The following MDGA2 variants were observed in gnomAD, a reference collection of about 807,000 sequenced individuals.
MDGA2 encodes the protein MAM domain containing glycosylphosphatidylinositol anchor 2, also known as MAM domain-containing glycosylphosphatidylinositol anchor protein 2.
MDGA2 carries 40 observed loss-of-function variants against 117.8 expected under a neutral mutation model. The ratio of observed to expected loss-of-function variants is 0.34; its 90% confidence interval spans 0.26 to 0.44. The LOEUF (loss-of-function observed/expected upper bound fraction) is 0.44, where lower values mean the gene tolerates loss of function less well. MDGA2 is among the 20% of genes least tolerant of loss of function. The pLI, the probability that MDGA2 is intolerant of heterozygous loss-of-function variation, is 1.00. For missense variants in MDGA2, 1,123 were observed against 1,250.6 expected (o/e 0.90, Z 1.54); for synonymous variants, 452 against 439.0 (o/e 1.03, Z -0.37).
chr14:47,056,997 C>A (rs1479092516), intron 7 of MDGA2, among the ~76,000 whole-genome samples: 2 of 151,934 alleles, frequency 1.3e-5, no homozygotes, highest in Non-Finnish European at 2.9e-5. Context: ...AACTTACCTG[C>A]AGTCTAGCCA....
At chr14:47,068,999 A>C (rs1378166965) in intron 6 of MDGA2, among the ~76,000 whole-genome samples, 2 of 152,134 alleles carry the variant, frequency 1.3e-5, no homozygotes, top group African/African-American at 2.4e-5. Context: ...ACTTCTTTTG[A>C]AATATCAGTA....
chr14:47,157,029 T>C (rs183270218), intron 3 of MDGA2, among the ~76,000 whole-genome samples: 73 of 152,320 alleles, frequency 4.8e-4, no homozygotes, highest in Non-Finnish European at 8.8e-4. Flanking sequence ...AATTAAATCA[T>C]TGTTAGACAT....
intron 5 of MDGA2, among the ~76,000 whole-genome samples, chr14:47,118,280 TA>T (rs1444355097): frequency 6.6e-6 from 1 of 152,164 alleles, no homozygotes; most frequent in Non-Finnish European, 1.5e-5. Context: ...ATAAAGGAGG[TA>T]TTTATTTTTT....
rs115922450 is a variant in MDGA2, at chr14:47,122,391, T to C, written c.925+9323A>G. ...GTAGGCTGGATAGTGGATTTTTTCA[T>C]TGAGTGACCAATTGTTTTGTTTTGG... is the stretch of plus-strand genomic sequence containing the variant. On this transcript the variant is annotated intron_variant, in intron 5 of 16. Coordinates refer to ENST00000399232, the MANE Select transcript of MDGA2 (RefSeq NM_001113498.3). 5.6e-3 allele frequency among the ~76,000 whole-genome samples: 850 copies of C among 152,154 alleles called. 14 individuals carry two copies. The highest frequency in any genetic ancestry group is 0.019 in the African/African-American group (795 of 41,544).
At chr14:47,533,309 ATG>A (rs1372909328) in intron 1 of MDGA2, among the ~76,000 whole-genome samples, 1 of 152,198 alleles carries the variant, frequency 6.6e-6, no homozygotes, top group Non-Finnish European at 1.5e-5. Flanking sequence ...AGCACAGATC[ATG>A]TTGCATACAT....
chr14:47,071,552 T>G (rs1195640605), intron 6 of MDGA2, among the ~76,000 whole-genome samples: 2 of 151,162 alleles, frequency 1.3e-5, no homozygotes, highest in South Asian at 2.1e-4. Flanking sequence ...GTCTGTGGGT[T>G]TTTTTTTTCT....
chr14:47,216,816 AT>A (rs1239151213), intron 3 of MDGA2, among the ~76,000 whole-genome samples: 1 of 152,120 alleles, frequency 6.6e-6, no homozygotes, highest in Non-Finnish European at 1.5e-5. Flanking sequence ...CAGGGGCTAT[AT>A]TATTTTGGGA....
chr14:47,308,517 T>C (rs1889532680), intron 1 of MDGA2, among the ~76,000 whole-genome samples: 1 of 146,298 alleles, frequency 6.8e-6, no homozygotes, highest in South Asian at 2.1e-4. Context: ...TTTTTTTTTT[T>C]TTTTTACAAA....
chr14:47,153,629 T>C (rs542896253), intron 3 of MDGA2, among the ~76,000 whole-genome samples: 3 of 146,446 alleles, frequency 2.0e-5, no homozygotes, highest in South Asian at 2.1e-4. Flanking sequence ...TCAAGGAATA[T>C]GCAGAATGGA....
chr14:47,449,853 A>G (rs1474238531), intron 1 of MDGA2, among the ~76,000 whole-genome samples: 20 of 152,140 alleles, frequency 1.3e-4, no homozygotes, highest in Admixed American at 1.2e-3. Flanking sequence ...CTCGTCATTT[A>G]AAAAGAGTTG....
chr14:46,922,884 C>G (rs1460164589), intron 9 of MDGA2, among the ~76,000 whole-genome samples: 1 of 152,100 alleles, frequency 6.6e-6, no homozygotes, highest in African/African-American at 2.4e-5. Flanking sequence ...GCGGATGGAG[C>G]GAAGTAGGAT....
intron 14 of MDGA2, chr14:46,871,853 T>C (rs1470330086): frequency 5.5e-6 from 2 of 365,178 alleles, no homozygotes; most frequent in Non-Finnish European, 1.1e-5. Context: ...GTTTAACTTC[T>C]CAAAAGCTTT....
intron 1 of MDGA2, chr14:47,342,792 C>T (rs1890668958): frequency 3.0e-6 from 1 of 328,376 alleles, no homozygotes; most frequent in African/African-American, 2.2e-5. Context: ...AGATAAAACA[C>T]TTACAAAAGT....
intron 5 of MDGA2, among the ~76,000 whole-genome samples, chr14:47,101,827 T>C (rs1880341454): frequency 6.6e-6 from 1 of 152,122 alleles, no homozygotes; most frequent in Non-Finnish European, 1.5e-5. Flanking sequence ...GAAAAAATAA[T>C]ACTGAATTAT....
At chr14:47,269,269 G>A (rs544924193) in intron 2 of MDGA2, among the ~76,000 whole-genome samples, 52 of 152,104 alleles carry the variant, frequency 3.4e-4, no homozygotes, top group Non-Finnish European at 2.2e-4. Context: ...TAGGCCCTTT[G>A]AAACGATCCA....
intron 14 of MDGA2, among the ~76,000 whole-genome samples, chr14:46,865,640 C>T (rs1199610299): frequency 6.6e-6 from 1 of 151,940 alleles, no homozygotes; most frequent in African/African-American, 2.4e-5. Flanking sequence ...ATCTAGAAAA[C>T]CCCATTGTCT....
At chr14:47,657,518 C>G (rs1336405408) in intron 1 of MDGA2, among the ~76,000 whole-genome samples, 1 of 152,160 alleles carries the variant, frequency 6.6e-6, no homozygotes, top group Non-Finnish European at 1.5e-5. Context: ...GTACCCCATT[C>G]CTCAAGGAAA....
chr14:47,457,812 GTTT>G (rs34337535), intron 1 of MDGA2, among the ~76,000 whole-genome samples: 19 of 143,676 alleles, frequency 1.3e-4, no homozygotes, highest in Non-Finnish European at 2.6e-4. Context: ...ATTTTTTTCT[GTTT>G]TTTTTTTTTG....
At chr14:47,631,633 C>T (rs1485522544) in intron 1 of MDGA2, among the ~76,000 whole-genome samples, 3 of 152,122 alleles carry the variant, frequency 2.0e-5, no homozygotes, top group Non-Finnish European at 4.4e-5. Context: ...TTACTTTTCA[C>T]CCAATATCTC....
Sources: allele counts gnomAD v4.1 joint callset (sites outside exome capture counted in the v4.1 genomes callset), GRCh38; gene constraint gnomAD v4.1.1; transcripts MANE v1.5; gene names NCBI Gene and HGNC (gene_info 2026-07-23, HGNC 2026-07-21).